The following CSF2RB variants were observed in gnomAD, a reference collection of about 807,000 sequenced individuals.
CSF2RB encodes colony stimulating factor 2 receptor subunit beta, also known as cytokine receptor common subunit beta.
Under a neutral mutation model 67.2 loss-of-function variants are expected in CSF2RB, and 22 were observed. The observed-to-expected ratio is 0.33, with a 90% CI of 0.23 to 0.47. The LOEUF is 0.47. Among genes scored for constraint, CSF2RB ranks in the 20% least tolerant of loss-of-function variants. The pLI is 1.00. For synonymous variants in CSF2RB, 507 were observed against 482.9 expected (o/e 1.05, Z -0.65); for missense variants, 1,113 against 1,174.5 (o/e 0.95, Z 0.76).
intron 9 of CSF2RB, 135 bp downstream of exon 9, chr22:36,933,039 A>G: frequency 2.9e-6 from 3 of 1,050,104 alleles, no homozygotes; most frequent in East Asian, 4.9e-5. Context: ...GGACGTGGTG[A>G]TCACTAGGCT....
At chr22:36,923,707 AG>A in intron 3 of CSF2RB, 1 of 1,321,196 alleles carries the variant, frequency 7.6e-7, no homozygotes, top group Non-Finnish European at 9.9e-7. Context: ...TGAGGTGGGC[AG>A]GGCCAGGCCA....
chr22:36,929,984 T>C (rs1002932298), intron 6 of CSF2RB, among the ~76,000 whole-genome samples, 177 bp downstream of exon 6: 2 of 152,240 alleles, frequency 1.3e-5, no homozygotes, highest in African/African-American at 2.4e-5. Context: ...CCAGTAGGAC[T>C]CTGCATCTGT....
rs1378758911 is a variant in CSF2RB at position 36,937,893 on chromosome 22, A to T, written c.2085A>T (p.Ile695=). The T allele has an allele frequency of 6.2e-7, 1 of 1,614,038 alleles. No individual in the cohort carries two copies. The highest frequency in any genetic ancestry group is 1.7e-5 in the Admixed American group (1 of 60,020). Residue 695 remains isoleucine (I), a synonymous_variant, in exon 14 of 14, where the codon ATA becomes ATT. Transcript: ENST00000403662. This position sits in a 1 kb window ranked among gnomAD's most constrained non-coding sequence, Gnocchi z 4.6. ...GQDQKDSPVA[I]PMSSGDTEDP... ...ACCAAAAGGACAGCCCTGTGGCTATACCCATGAGCTCTGGGGACACTGAGG... is the reference window on the plus strand; with the variant it reads ...ACCAAAAGGACAGCCCTGTGGCTATTCCCATGAGCTCTGGGGACACTGAGG...
At chr22:36,923,122 G>A in intron 2 of CSF2RB, 122 bp from the exon 3 acceptor site, 1 of 1,460,784 alleles carries the variant, frequency 6.8e-7, no homozygotes, top group Non-Finnish European at 9.5e-7. Context: ...TGGCCACCTG[G>A]TGCCTCTGCA....
chr22:36,939,260 C>A lies in CSF2RB; in HGVS notation c.*758C>A, dbSNP rs776833190. ...ACCCCACGTCATGTAGAGAAGTTAA[C>A]GGCCCAAGTGGTGGGCAGGCTGGCG... is the stretch of plus-strand genomic sequence containing the variant. On this transcript the variant is annotated 3_prime_UTR_variant, in exon 14 of 14. Coordinates refer to ENST00000403662, the MANE Select transcript of CSF2RB (RefSeq NM_000395.3). 1.4e-6 allele frequency: 1 copy of A among 702,080 alleles called. No individual in the cohort carries two copies. The highest frequency in any genetic ancestry group is 2.7e-5 in the East Asian group (1 of 37,300). The allele number at this position is 702,080 out of a possible 1,614,324, so 43.5% of individuals were successfully genotyped here.
chr22:36,934,129 G>T, intron 10 of CSF2RB, 135 bp downstream of exon 10: 1 of 1,247,440 alleles, frequency 8.0e-7, no homozygotes, highest in Non-Finnish European at 1.1e-6. Flanking sequence ...ATTAGATGGT[G>T]GCCAAAGAGA....
chr22:36,925,658 T>A (rs1940997644), intron 3 of CSF2RB, among the ~76,000 whole-genome samples: 1 of 152,190 alleles, frequency 6.6e-6, no homozygotes, highest in Non-Finnish European at 1.5e-5. Context: ...TCAATGCCTT[T>A]AACATTCTGC....
At chr22:36,929,943 T>C in intron 6 of CSF2RB, 136 bp downstream of exon 6, 1 of 1,213,964 alleles carries the variant, frequency 8.2e-7, no homozygotes, top group Non-Finnish European at 1.1e-6. Flanking sequence ...GTAGCGTCCC[T>C]GGGCCGTCCC....
chr22:36,930,294 G>A (rs1941119699), intron 6 of CSF2RB, 81 bp from the exon 7 acceptor site: 1 of 1,597,822 alleles, frequency 6.3e-7, no homozygotes, highest in South Asian at 1.1e-5. Flanking sequence ...ACCTCTGTGT[G>A]ATGAATCACA....
intron 3 of CSF2RB, among the ~76,000 whole-genome samples, chr22:36,924,486 C>T (rs189853755): frequency 1.3e-5 from 2 of 152,274 alleles, no homozygotes; most frequent in South Asian, 2.1e-4. Context: ...AGGAGTGCAG[C>T]GCCTGGGCAT....
At chr22:36,914,265 G>A (rs887736634) in intron 1 of CSF2RB, among the ~76,000 whole-genome samples, 3 of 152,122 alleles carry the variant, frequency 2.0e-5, no homozygotes, top group African/African-American at 7.2e-5. Context: ...GAGGCAGAGG[G>A]TGAAACCTGG....
At chr22:36,925,915 A>G (rs1941004228) in intron 3 of CSF2RB, 72 bp from the exon 4 acceptor site, 1 of 1,510,508 alleles carries the variant, frequency 6.6e-7, no homozygotes, top group African/African-American at 1.4e-5. Context: ...GCATGTGGTG[A>G]GCACTCGAGG....
chr22:36,925,329 C>T (rs180927423), intron 3 of CSF2RB, among the ~76,000 whole-genome samples: 12 of 152,340 alleles, frequency 7.9e-5, no homozygotes, highest in Admixed American at 2.6e-4. Context: ...CCAGAAGCCT[C>T]GTAACTGGGC....
At chr22:36,914,068 C>A (rs1158898655) in intron 1 of CSF2RB, among the ~76,000 whole-genome samples, 2 of 152,054 alleles carry the variant, frequency 1.3e-5, no homozygotes, top group Non-Finnish European at 2.9e-5. Flanking sequence ...TGAGAGCACC[C>A]CCTGTCCACC....
Position 36,929,461 on chromosome 22 carries a change from A to G in CSF2RB, c.451A>G (p.Thr151Ala). Residue 151 changes from threonine (T) to alanine (A), a missense_variant, in exon 5 of 14, where the codon ACC (threonine) becomes GCC (alanine). By Grantham distance (58) the Thr-to-Ala change is moderately conservative. Transcript: ENST00000403662. ...ISTDQDHFLL[T>A]WSVALGSPQS... ...CACCGACCAGGACCACTTCCTGCTG[A>G]CCTGGAGTGTGGCCCTTGGGAGTCC... 1 of 1,614,108 alleles carries G rather than the reference A, an allele frequency of 6.2e-7. No homozygotes were observed. The highest frequency in any genetic ancestry group is 8.5e-7 in the Non-Finnish European group (1 of 1,180,008).
At chr22:36,932,622 G>A in intron 8 of CSF2RB, 143 bp from the exon 9 acceptor site, 1 of 897,054 alleles carries the variant, frequency 1.1e-6, no homozygotes, top group Non-Finnish European at 1.8e-6. Context: ...ATATAGTGAA[G>A]TGGGGATGAA....
At chr22:36,936,474 C>A (rs1941267950) in intron 12 of CSF2RB, 75 bp from the exon 13 acceptor site, 11 of 1,135,744 alleles carry the variant, frequency 9.7e-6, no homozygotes, top group Non-Finnish European at 1.2e-5. Context: ...TCCTCCTGCA[C>A]CCCCGTCACC....
chr22:36,923,317 C>T lies in CSF2RB; in HGVS notation c.150C>T (p.Thr50=), dbSNP rs1569132108. ...ACATCACCTGCAGGTGGGCAGACACCCAGGATGCCCAGCGGCTCGTCAACG... is the reference window on the plus strand; with the variant it reads ...ACATCACCTGCAGGTGGGCAGACACTCAGGATGCCCAGCGGCTCGTCAACG... ...TSHITCRWAD[T]QDAQRLVNVT... is the part of the protein sequence containing the mutation. Residue 50 remains threonine, a synonymous_variant, in exon 3 of 14, where the codon ACC becomes ACT. Transcript: ENST00000403662. 6.2e-7 allele frequency: 1 copy of T among 1,614,180 alleles called. No individual in the cohort carries two copies.
Position 36,932,811 on chromosome 22 carries a change from C to A in CSF2RB, c.1059C>A (p.Ser353Arg), listed in dbSNP as rs1941178403. Residue 353 changes from serine (S) to arginine (R), a missense_variant, in exon 9 of 14, where the codon AGC (serine) becomes AGA (arginine). Ser to Arg is a moderately radical substitution (Grantham distance 110, BLOSUM62 -1). This residue lies in a region of CSF2RB where 559 missense variants were observed against 656.5 expected (regional missense o/e 0.85). Transcript: ENST00000403662. ...TCAACGTGACCAAGGATGGAGACAGCTACAGCCTGCGCTGGGAAACAATGA... is the reference window on the plus strand; with the variant it reads ...TCAACGTGACCAAGGATGGAGACAGATACAGCCTGCGCTGGGAAACAATGA... ...PSLNVTKDGD[S>R]YSLRWETMKM... The A allele has an allele frequency of 1.2e-6, 2 of 1,614,078 alleles. No homozygotes were observed. Among genetic ancestry groups the A allele is most frequent in the East Asian group, 4.5e-5 (2 of 44,876 alleles).
Sources: allele counts gnomAD v4.1 joint callset (sites outside exome capture counted in the v4.1 genomes callset), GRCh38; gene constraint gnomAD v4.1.1; regional missense constraint gnomAD v4.1.1; non-coding constraint Gnocchi (gnomAD v3.1); transcripts MANE v1.5; gene names NCBI Gene and HGNC (gene_info 2026-07-23, HGNC 2026-07-21).